IFNGR1: variants seen among roughly 807,000 people sequenced by gnomAD.
IFNGR1 encodes interferon gamma receptor 1.
In IFNGR1, 23 loss-of-function variants were observed where a neutral mutation model predicts 35.4. The ratio of observed to expected loss-of-function variants is 0.65; its 90% CI spans 0.47 to 0.92. IFNGR1 has a LOEUF of 0.92. IFNGR1 is among the 40% of genes least tolerant of loss of function. The pLI is 0.00. For missense variants in IFNGR1, 533 were observed against 583.4 expected (o/e 0.91, Z 0.89); for synonymous variants, 199 against 209.5 (o/e 0.95, Z 0.43).
chr6:137,206,410 A>G, intron 2 of IFNGR1, 102 bp from the exon 3 acceptor site: 1 of 837,384 alleles, frequency 1.2e-6, no homozygotes. Context: ...ACAAAGCGGT[A>G]GAAAGAGCAG....
Position 137,208,863 on chromosome 6 carries a change from GA to G in IFNGR1, c.86-1787del, listed in dbSNP as rs566417147. Among the ~76,000 whole-genome samples the G allele has an allele frequency of 2.4e-4, 36 of 152,310 alleles. No individual in the cohort carries two copies. The East Asian group carries it at 6.2e-3, about 26-fold the overall frequency. The stretch of plus-strand genomic sequence containing the variant: ...GAGGGCCACCATCCTCCAGACTCCA[GA>G]ATGGTAGATCTGCTGACAACTTCTG... On this transcript the variant is annotated intron_variant, in intron 1 of 6. Coordinates refer to ENST00000367739, the MANE Select transcript of IFNGR1 (RefSeq NM_000416.3).
intron 1 of IFNGR1, among the ~76,000 whole-genome samples, chr6:137,207,678 G>A (rs141417958): frequency 2.8e-3 from 421 of 152,286 alleles, no homozygotes; most frequent in African/African-American, 9.6e-3. Flanking sequence ...CACCATGTAA[G>A]AAGTGCCTTT....
chr6:137,198,682 T>G (rs750166533), intron 6 of IFNGR1, 43 bp from the exon 7 acceptor site: 3 of 1,509,344 alleles, frequency 2.0e-6, no homozygotes, highest in Non-Finnish European at 2.7e-6. Context: ...ATTGTTAAGC[T>G]TAAGTGCCTA....
chr6:137,211,262 T>C (rs573303035), intron 1 of IFNGR1, among the ~76,000 whole-genome samples: 11 of 152,272 alleles, frequency 7.2e-5, no homozygotes, highest in African/African-American at 2.4e-4. Flanking sequence ...TGCTTTATGT[T>C]TACAATTTAA....
chr6:137,202,154 T>A (rs924514564), intron 5 of IFNGR1, among the ~76,000 whole-genome samples: 1 of 152,132 alleles, frequency 6.6e-6, no homozygotes, highest in Non-Finnish European at 1.5e-5. Context: ...ATTACAAAAG[T>A]AAAAAGGAAA....
chr6:137,199,500 AAT>A (rs1194868399), intron 6 of IFNGR1, among the ~76,000 whole-genome samples: 73 of 14,494 alleles, frequency 5.0e-3, no homozygotes, highest in African/African-American at 0.012. Flanking sequence ...TATTATATAA[AAT>A]ATATAATTTA....
At chr6:137,217,490 G>T (rs984392101) in intron 1 of IFNGR1, among the ~76,000 whole-genome samples, 12 of 152,124 alleles carry the variant, frequency 7.9e-5, no homozygotes, top group African/African-American at 2.9e-4. Flanking sequence ...AACCTAGCTG[G>T]GCAAATCAGA....
Position 137,207,076 on chromosome 6 carries a change from C to G in IFNGR1, c.87G>C (p.Val29=). ...MGTADLGPSS[V]PTPTNVTIES... ...CAATTGTAACATTAGTTGGTGTAGGCACTGTAAGAAAATAAAAAAGTAAAA... is the reference window on the plus strand; with the variant it reads ...CAATTGTAACATTAGTTGGTGTAGGGACTGTAAGAAAATAAAAAAGTAAAA... Residue 29 remains valine (V), a splice_region_variant and synonymous_variant, in exon 2 of 7, where the codon GTG becomes GTC. Transcript: ENST00000367739. 2 of 1,613,582 alleles carry G rather than the reference C, an allele frequency of 1.2e-6. No individual in the cohort carries two copies. Among genetic ancestry groups the G allele is most frequent in the East Asian group, 4.5e-5 (2 of 44,838 alleles).
At chr6:137,206,831 A>G (rs1779441766) in intron 2 of IFNGR1, 132 bp downstream of exon 2, 6 of 673,572 alleles carry the variant, frequency 8.9e-6, no homozygotes, top group Admixed American at 2.9e-5. Flanking sequence ...CATCTTTAGT[A>G]CTTTTGGACC....
chr6:137,198,746 G>C (rs1017730453), intron 6 of IFNGR1, 107 bp from the exon 7 acceptor site: 5 of 800,270 alleles, frequency 6.2e-6, no homozygotes, highest in South Asian at 1.5e-5. Context: ...GCACATTTAG[G>C]ATAATGGGTG....
chr6:137,198,537 A>T lies in IFNGR1; in HGVS notation c.964T>A (p.Cys322Ser). ...QPFSLEKEVV[C>S]EEPLSPATVP... ...GTTGCTGGAGACAACGGCTCTTCAC[A>T]GACCACCTCCTTTTCTAAGGAAAAT... is the stretch of plus-strand genomic sequence containing the variant. Residue 322 changes from cysteine (C) to serine (S), a missense_variant, in exon 7 of 7, where the codon TGT (cysteine) becomes AGT (serine). Cys to Ser is a moderately radical substitution (Grantham distance 112). Transcript: ENST00000367739. 1 of 1,614,002 alleles carries T rather than the reference A, an allele frequency of 6.2e-7. No individual in the cohort carries two copies. The highest frequency in any genetic ancestry group is 8.5e-7 in the Non-Finnish European group (1 of 1,179,878).
chr6:137,214,403 C>CCCCA (rs1244563799), intron 1 of IFNGR1, among the ~76,000 whole-genome samples: 1 of 152,166 alleles, frequency 6.6e-6, no homozygotes, highest in African/African-American at 2.4e-5. Context: ...GAGCCGCATC[C>CCCCA]CCCAGGTTTA....
intron 1 of IFNGR1, among the ~76,000 whole-genome samples, chr6:137,216,409 A>G (rs1436407258): frequency 1.3e-5 from 2 of 152,204 alleles, no homozygotes; most frequent in African/African-American, 2.4e-5. Flanking sequence ...GAAGAGTGAA[A>G]TACTACTGAT....
Position 137,199,550 on chromosome 6 carries a change from A to T in IFNGR1, c.862-911T>A, listed in dbSNP as rs369139009. ...TATAATATATAATATATATTATATAACATATAAAATATATATAATATATAA... is the reference window on the plus strand; with the variant it reads ...TATAATATATAATATATATTATATATCATATAAAATATATATAATATATAA... On this transcript the variant is annotated intron_variant, in intron 6 of 6. Transcript: ENST00000367739. 2.2e-3 allele frequency among the ~76,000 whole-genome samples: 74 copies of T among 33,832 alleles called. No individual in the cohort carries two copies. In the South Asian group the frequency reaches 0.034, roughly 16 times the overall value. The allele number at this position is 33,832 out of a possible 152,430, so 22.2% of individuals were successfully genotyped here.
At chr6:137,217,774 T>C (rs1423636424) in intron 1 of IFNGR1, among the ~76,000 whole-genome samples, 2 of 152,212 alleles carry the variant, frequency 1.3e-5, no homozygotes, top group African/African-American at 4.8e-5. Context: ...GTACACATAA[T>C]ATGGCAATTC....
chr6:137,212,838 T>C (rs1314340170), intron 1 of IFNGR1, among the ~76,000 whole-genome samples: 1 of 152,206 alleles, frequency 6.6e-6, no homozygotes, highest in Non-Finnish European at 1.5e-5. Flanking sequence ...AGGACTTAAA[T>C]CATAGCTTTC....
chr6:137,217,990 T>A (rs889844070), intron 1 of IFNGR1, among the ~76,000 whole-genome samples: 3 of 152,228 alleles, frequency 2.0e-5, no homozygotes, highest in African/African-American at 7.2e-5. Context: ...CACCCCGCCT[T>A]GCTTTCCACT....
intron 3 of IFNGR1, among the ~76,000 whole-genome samples, chr6:137,205,303 G>A (rs551523281): frequency 2.0e-4 from 31 of 152,250 alleles, no homozygotes; most frequent in Middle Eastern, 3.4e-3. Flanking sequence ...AGGGACCCAA[G>A]GGCTAGAAGA....
Position 137,209,982 on chromosome 6 carries a change from A to C in IFNGR1, c.86-2905T>G, listed in dbSNP as rs1779537773. The C allele has an allele frequency of 1.3e-5, 5 of 398,238 alleles. No individual in the cohort carries two copies. In the Admixed American group the frequency reaches 2.2e-4, roughly 18 times the overall value. 24.7% of individuals were successfully genotyped at this position (398,238 alleles called of 1,614,324 possible). On this transcript the variant is annotated intron_variant, in intron 1 of 6. Transcript: ENST00000367739. ...CTCTTTCAGAAAACATCTGTTGATA[A>C]GACTTGAGTCACGTAAGAGAACAGA...
Sources: gnomAD v4.1 joint callset for allele counts (sites outside exome capture counted in the v4.1 genomes callset) on GRCh38, gnomAD v4.1.1 for gene constraint, MANE v1.5 for transcripts, NCBI Gene and HGNC (gene_info 2026-07-23, HGNC 2026-07-21) for gene names.